Variants in RANGAP1 observed in about 807,000 individuals in gnomAD.
The protein encoded by RANGAP1 is Ran GTPase activating protein 1.
A neutral mutation model predicts 63.5 loss-of-function variants in RANGAP1; 38 were observed. That is an observed-to-expected ratio of 0.60 (90% CI 0.46 to 0.78). The LOEUF (loss-of-function observed/expected upper bound fraction) is 0.78. Among genes scored for constraint, RANGAP1 ranks in the 30% least tolerant of loss-of-function variants. The pLI, the probability that RANGAP1 is intolerant of heterozygous loss-of-function variation, is 0.00. For missense variants in RANGAP1, 630 were observed against 740.3 expected, an observed-to-expected ratio of 0.85 and a Z score of 1.73; for synonymous variants, 329 against 310.5, an observed-to-expected ratio of 1.06 and a Z score of -0.63.
the RANGAP1 span, among the ~76,000 whole-genome samples, chr22:41,292,314 AT>A: frequency 6.6e-6 from 1 of 151,748 alleles, no homozygotes; most frequent in Non-Finnish European, 1.5e-5. Context: ...CGCCTGGTTA[AT>A]TTTTGGTATT....
intron 6 of RANGAP1, among the ~76,000 whole-genome samples, chr22:41,258,647 T>A (rs1214201897): frequency 6.6e-6 from 1 of 152,182 alleles, no homozygotes; most frequent in Non-Finnish European, 1.5e-5. Context: ...ATTTTCTTTT[T>A]CTTTTTTCTT....
At chr22:41,301,238 C>T in the RANGAP1 span, among the ~76,000 whole-genome samples, 1 of 151,774 alleles carries the variant, frequency 6.6e-6, no homozygotes, top group South Asian at 2.1e-4. Flanking sequence ...AGAAGGGGGG[C>T]GGGGGGACTT....
In RANGAP1 at chr22:41,285,510, T is replaced by G. The variant is rs915337931; in HGVS notation, c.-39+476A>C. On this transcript the variant is annotated intron_variant, in intron 1 of 15. Coordinates refer to ENST00000356244, the MANE Select transcript of RANGAP1 (RefSeq NM_002883.4). ...ACGTCAGAGACTTTCTGAGGTGAGA[T>G]GCATGCTCCTGCAAAGCGTCAGCAG... 14 of 985,454 alleles carry G rather than the reference T, an allele frequency of 1.4e-5. No individual in the cohort carries two copies. In the South Asian group the frequency reaches 6.1e-4, roughly 43 times the overall value. The allele number at this position is 985,454 out of a possible 1,614,324, so 61.0% of individuals were successfully genotyped here.
At chr22:41,259,975 C>T (rs959675853) in intron 6 of RANGAP1, among the ~76,000 whole-genome samples, 3 of 151,652 alleles carry the variant, frequency 2.0e-5, no homozygotes, top group Non-Finnish European at 4.4e-5. Flanking sequence ...CGTTGTACTC[C>T]AGCCTGGGCA....
chr22:41,298,069 G>A, the RANGAP1 span, among the ~76,000 whole-genome samples: 3 of 151,982 alleles, frequency 2.0e-5, no homozygotes, highest in Non-Finnish European at 4.4e-5. Context: ...TGTTGGCCAG[G>A]CTGGTCTCGA....
chr22:41,296,439 G>A, the RANGAP1 span, among the ~76,000 whole-genome samples: 1 of 152,166 alleles, frequency 6.6e-6, no homozygotes, highest in African/African-American at 2.4e-5. Flanking sequence ...CTGAGGTCAG[G>A]AGTTCAAGAC....
At chr22:41,250,924 A>T in intron 13 of RANGAP1, 83 bp downstream of exon 13, 1 of 1,166,332 alleles carries the variant, frequency 8.6e-7, no homozygotes, top group Non-Finnish European at 1.3e-6. Context: ...GGGGCTGACG[A>T]GTTACGGCAA....
At chr22:41,294,341 C>G in the RANGAP1 span, among the ~76,000 whole-genome samples, 11 of 152,340 alleles carry the variant, frequency 7.2e-5, no homozygotes, top group Non-Finnish European at 1.2e-4. Flanking sequence ...GACGGAGTCT[C>G]GTTCACTCAG....
At chr22:41,269,500 G>A (rs189925975) in intron 3 of RANGAP1, among the ~76,000 whole-genome samples, 78 of 151,526 alleles carry the variant, frequency 5.1e-4, no homozygotes, top group East Asian at 2.1e-3. Flanking sequence ...CTTGGGAGGC[G>A]GAGACAGGCA....
chr22:41,301,519 T>G, the RANGAP1 span: 1 of 152,080 alleles, frequency 6.6e-6, no homozygotes, highest in African/African-American at 2.4e-5. Flanking sequence ...GAGGAAGAGC[T>G]GCAGGGAGAC....
the RANGAP1 span, among the ~76,000 whole-genome samples, chr22:41,299,773 A>T: frequency 6.0e-5 from 9 of 149,102 alleles, no homozygotes; most frequent in African/African-American, 2.2e-4. Context: ...TTTTTTTGAG[A>T]CAGAGTCTCA....
intron 1 of RANGAP1, chr22:41,281,737 T>C: frequency 1.5e-6 from 1 of 686,554 alleles, no homozygotes; most frequent in Non-Finnish European, 1.8e-6. Context: ...CTGCTACCTA[T>C]GAAGCCCTAC....
upstream of RANGAP1, among the ~76,000 whole-genome samples, chr22:41,287,638 C>T (rs984863268): frequency 6.7e-6 from 1 of 148,948 alleles, no homozygotes; most frequent in African/African-American, 2.5e-5. Flanking sequence ...TCAGCCCTGG[C>T]GACAGAGCAA....
At chr22:41,288,920 ATTTTT>A (rs10657576), upstream of RANGAP1, among the ~76,000 whole-genome samples, 2 of 111,122 alleles carry the variant, frequency 1.8e-5, no homozygotes, top group Non-Finnish European at 3.5e-5. Context: ...CTATATCCTG[ATTTTT>A]TTTTTTTTTT....
At chr22:41,281,568 T>C (rs2035492437) in intron 1 of RANGAP1, 1 of 988,748 alleles carries the variant, frequency 1.0e-6, no homozygotes, top group Admixed American at 5.9e-5. Flanking sequence ...CCACCCACGC[T>C]GGCATGACTC....
chr22:41,257,591 TAATA>T lies in RANGAP1; in HGVS notation c.774+353_774+356del, dbSNP rs548264992. Among the ~76,000 whole-genome samples the T allele has an allele frequency of 4.6e-5, 7 of 152,258 alleles. No individual in the cohort carries two copies. Among genetic ancestry groups the T allele is most frequent in the Admixed American group, 2.6e-4 (4 of 15,284 alleles). On this transcript the variant is annotated intron_variant, in intron 7 of 15. Transcript: ENST00000356244. The surrounding 1 kb of genome is among the most constrained non-coding windows in gnomAD (Gnocchi z 4.0). The stretch of plus-strand genomic sequence containing the variant: ...AGTAAGATTCCGTCTCAAAAAGTGA[TAATA>T]AATAACAAAACAAACAACAGCTGCT...
chr22:41,261,366 G>T, intron 6 of RANGAP1, 80 bp downstream of exon 6: 1 of 1,585,502 alleles, frequency 6.3e-7, no homozygotes. Flanking sequence ...CCAGCCCTGG[G>T]ATTAGCATCC....
intron 13 of RANGAP1, 125 bp from the exon 14 acceptor site, chr22:41,249,942 G>A (rs934416337): frequency 1.6e-5 from 12 of 772,472 alleles, no homozygotes; most frequent in African/African-American, 6.8e-5. Context: ...ACGAAGAGGC[G>A]AACACGAGAG....
chr22:41,300,428 T>TCACACACACA, the RANGAP1 span, among the ~76,000 whole-genome samples: 362 of 36,126 alleles, frequency 0.01, 4 homozygotes, highest in Non-Finnish European at 0.014. Flanking sequence ...TATTGGGAAC[T>TCACACACACA]CACACACACA....
Sources: allele counts gnomAD v4.1 joint callset (sites outside exome capture counted in the v4.1 genomes callset), GRCh38; gene constraint gnomAD v4.1.1; non-coding constraint Gnocchi (gnomAD v3.1); transcripts MANE v1.5; gene names NCBI Gene and HGNC (gene_info 2026-07-23, HGNC 2026-07-21).